The following NBEA variants were observed in gnomAD, a reference collection of about 807,000 sequenced individuals.
NBEA encodes the protein neurobeachin, also known as lysosomal-trafficking regulator 2.
In NBEA, 44 loss-of-function variants were observed where a neutral mutation model predicts 343.4. That is an observed-to-expected ratio of 0.13 (90% CI 0.10 to 0.16). NBEA has a LOEUF of 0.16. Ranked by LOEUF, NBEA falls within the 10% of genes least tolerant of loss-of-function variation. The pLI is 1.00. For missense variants in NBEA, 2,555 were observed against 3,631.3 expected (o/e 0.70, Z 7.62); for synonymous variants, 1,175 against 1,238.7 (o/e 0.95, Z 1.08).
intron 19 of NBEA, 27 bp downstream of exon 19, chr13:35,155,882 A>G: frequency 1.9e-6 from 3 of 1,582,380 alleles, no homozygotes; most frequent in Non-Finnish European, 2.6e-6. Context: ...TCTTTACTGT[A>G]TTGTGGTAGG....
intron 16 of NBEA, among the ~76,000 whole-genome samples, chr13:35,118,933 C>G (rs2066646407): frequency 6.6e-6 from 1 of 151,406 alleles, no homozygotes; most frequent in Non-Finnish European, 1.5e-5. Context: ...GCTCAGATTG[C>G]TATTTTGTTA....
In NBEA at chr13:35,454,294, T is replaced by C. The variant is rs189463895; in HGVS notation, c.6448+2059T>C. ...TATTAATCTAGACTAACATAATAGTTACAATGTTACATAAAATTCATTTTT... is the reference window on the plus strand; with the variant it reads ...TATTAATCTAGACTAACATAATAGTCACAATGTTACATAAAATTCATTTTT... On this transcript the variant is annotated intron_variant, in intron 40 of 58. Coordinates refer to ENST00000379939, the MANE Select transcript of NBEA (RefSeq NM_001385012.1). Among the ~76,000 whole-genome samples, 40 of 152,338 alleles carry C rather than the reference T, an allele frequency of 2.6e-4. No homozygotes were observed. In the East Asian group the frequency reaches 7.5e-3, roughly 29 times the overall value.
intron 44 of NBEA, among the ~76,000 whole-genome samples, chr13:35,566,580 C>G (rs533178670): frequency 1.4e-4 from 21 of 152,200 alleles, no homozygotes; most frequent in African/African-American, 5.1e-4. Flanking sequence ...ACTTTGCTCA[C>G]ATTCTGTAGA....
At chr13:35,238,173 A>C (rs901042920) in intron 34 of NBEA, among the ~76,000 whole-genome samples, 4 of 152,244 alleles carry the variant, frequency 2.6e-5, no homozygotes, top group Admixed American at 2.6e-4. Context: ...AAGCTGCCTA[A>C]GAATCCAGTT....
intron 40 of NBEA, among the ~76,000 whole-genome samples, chr13:35,468,879 A>C (rs2075517608): frequency 6.6e-6 from 1 of 152,122 alleles, no homozygotes; most frequent in African/African-American, 2.4e-5. Flanking sequence ...CAGGTGGATC[A>C]ACTGAGGTTA....
At chr13:35,219,188 C>G (rs938658853) in intron 33 of NBEA, among the ~76,000 whole-genome samples, 1 of 152,070 alleles carries the variant, frequency 6.6e-6, no homozygotes, top group Non-Finnish European at 1.5e-5. Context: ...TGTCTGCCTT[C>G]CTGCCTTCCT....
At chr13:35,100,893 A>G (rs865928857) in intron 11 of NBEA, among the ~76,000 whole-genome samples, 10 of 151,878 alleles carry the variant, frequency 6.6e-5, no homozygotes, top group African/African-American at 1.2e-4. Context: ...TCAACCCATA[A>G]TTCACTTTTT....
intron 6 of NBEA, among the ~76,000 whole-genome samples, chr13:35,055,003 A>G (rs1401988610): frequency 6.6e-6 from 1 of 152,072 alleles, no homozygotes; most frequent in Non-Finnish European, 1.5e-5. Context: ...TATTTTAGAT[A>G]CCTTGAAATA....
At chr13:35,021,022 A>AT (rs2061820298) in intron 1 of NBEA, among the ~76,000 whole-genome samples, 2 of 151,720 alleles carry the variant, frequency 1.3e-5, no homozygotes, top group Admixed American at 6.6e-5. Flanking sequence ...TGATGAATTG[A>AT]TTTTTTTTCT....
At chr13:35,406,537 G>A (rs189587334) in intron 38 of NBEA, among the ~76,000 whole-genome samples, 1 of 152,072 alleles carries the variant, frequency 6.6e-6, no homozygotes, top group African/African-American at 2.4e-5. Context: ...TCCCACTTAC[G>A]AGTGAGAACA....
chr13:35,039,937 C>G (rs539840742), intron 1 of NBEA, among the ~76,000 whole-genome samples: 16 of 152,260 alleles, frequency 1.1e-4, no homozygotes, highest in South Asian at 2.1e-4. Context: ...CATACATATA[C>G]ATCTTTGTTC....
intron 38 of NBEA, among the ~76,000 whole-genome samples, chr13:35,416,055 G>A (rs1377444282): frequency 6.6e-6 from 1 of 152,128 alleles, no homozygotes; most frequent in Non-Finnish European, 1.5e-5. Context: ...TGGTGTATAG[G>A]AATGCTTGTG....
At chr13:35,412,299 G>A (rs2043635434) in intron 38 of NBEA, among the ~76,000 whole-genome samples, 1 of 152,080 alleles carries the variant, frequency 6.6e-6, no homozygotes, top group Admixed American at 6.6e-5. Context: ...AACTAAAAGG[G>A]CGCTGACCTT....
chr13:35,392,720 G>C lies in NBEA; in HGVS notation c.6180-39549G>C, dbSNP rs552081328. Among the ~76,000 whole-genome samples the C allele has an allele frequency of 2.0e-5, 3 of 152,274 alleles. No individual in the cohort carries two copies. The East Asian group carries it at 5.8e-4, about 29-fold the overall frequency. On this transcript the variant is annotated intron_variant, in intron 38 of 58. Transcript: ENST00000379939. ...CTAACGGTACAAATGGCAGATCAAA[G>C]CTGCCGTGAGACCTGGAGCAATCAG... is the stretch of plus-strand genomic sequence containing the variant.
intron 38 of NBEA, among the ~76,000 whole-genome samples, chr13:35,410,734 C>T (rs573836052): frequency 6.6e-6 from 1 of 152,134 alleles, no homozygotes; most frequent in East Asian, 1.9e-4. Context: ...AAAGGGTACC[C>T]TTTACAAACT....
intron 41 of NBEA, among the ~76,000 whole-genome samples, chr13:35,535,686 C>T (rs746585081): frequency 2.8e-4 from 43 of 152,128 alleles, no homozygotes; most frequent in Admixed American, 4.6e-4. Flanking sequence ...TAATTTGTCC[C>T]ATTTTATATA....
At position 35,448,040 on chromosome 13, in the gene NBEA, A is replaced by T. The variant is rs143233121; in HGVS notation, c.6305-4052A>T. Among the ~76,000 whole-genome samples, 319 of 152,326 alleles carry T rather than the reference A, an allele frequency of 2.1e-3. 2 individuals are homozygous for T. Among genetic ancestry groups the T allele is most frequent in the Middle Eastern group, 0.014 (4 of 294 alleles). On this transcript the variant is annotated intron_variant, in intron 39 of 58. Coordinates refer to ENST00000379939, the MANE Select transcript of NBEA (RefSeq NM_001385012.1). ...ATCTCATACACTTTAATTTAGATAA[A>T]TGTTTGGTGCAGTACCATGAAATCA... is the stretch of plus-strand genomic sequence containing the variant.
intron 38 of NBEA, among the ~76,000 whole-genome samples, chr13:35,426,401 T>A (rs1419624807): frequency 6.6e-6 from 1 of 152,222 alleles, no homozygotes; most frequent in East Asian, 1.9e-4. Context: ...TCTCCTTCAC[T>A]TATGAAGCTT....
intron 33 of NBEA, among the ~76,000 whole-genome samples, chr13:35,215,097 C>CT (rs2073994287): frequency 6.6e-6 from 1 of 151,318 alleles, no homozygotes; most frequent in Non-Finnish European, 1.5e-5. Context: ...AGTCCTGTAA[C>CT]TATTTTTTTT....
Sources: gnomAD v4.1 joint callset for allele counts (sites outside exome capture counted in the v4.1 genomes callset) on GRCh38, gnomAD v4.1.1 for gene constraint, MANE v1.5 for transcripts, NCBI Gene and HGNC (gene_info 2026-07-23, HGNC 2026-07-21) for gene names.